The following AUTS2 variants were observed in gnomAD, a reference collection of about 807,000 sequenced individuals.
The protein encoded by AUTS2 is activator of transcription and developmental regulator AUTS2, also known as autism susceptibility gene 2 protein.
A neutral mutation model predicts 112.4 loss-of-function variants in AUTS2; 17 were observed. That is an observed-to-expected ratio of 0.15 (90% confidence interval 0.10 to 0.23). The LOEUF (loss-of-function observed/expected upper bound fraction) is 0.23, where lower values mean the gene tolerates loss of function less well. Ranked by LOEUF, AUTS2 falls within the 10% of genes least tolerant of loss-of-function variation. AUTS2 has a pLI of 1.00. For missense variants in AUTS2, 1,510 were observed against 1,701.6 expected (o/e 0.89, Z 1.98); for synonymous variants, 751 against 702.7 (o/e 1.07, Z -1.09).
At chr7:69,754,340 T>C (rs563412240) in intron 1 of AUTS2, among the ~76,000 whole-genome samples, 3 of 152,290 alleles carry the variant, frequency 2.0e-5, no homozygotes, top group South Asian at 4.1e-4. Context: ...AGGTAGGAAG[T>C]AAAAGTTTCA....
intron 1 of AUTS2, among the ~76,000 whole-genome samples, chr7:69,779,489 C>T (rs895658013): frequency 3.9e-5 from 6 of 151,940 alleles, no homozygotes; most frequent in Admixed American, 2.0e-4. Context: ...AGAAGCCAGG[C>T]GCAGTGGCTC....
At chr7:70,175,441 C>T (rs568908431) in intron 4 of AUTS2, among the ~76,000 whole-genome samples, 17 of 133,060 alleles carry the variant, frequency 1.3e-4, no homozygotes, top group East Asian at 8.9e-4. Context: ...AAATCAGTGG[C>T]GGTATTTGAG....
At chr7:69,731,991 GT>G (rs1333332951) in intron 1 of AUTS2, among the ~76,000 whole-genome samples, 1 of 151,846 alleles carries the variant, frequency 6.6e-6, no homozygotes, top group South Asian at 2.1e-4. Context: ...ATTACAAATA[GT>G]TTTTTGTTTT....
At chr7:70,715,499 CCTGT>C (rs1204066648) in intron 6 of AUTS2, among the ~76,000 whole-genome samples, 1 of 146,616 alleles carries the variant, frequency 6.8e-6, no homozygotes, top group African/African-American at 2.5e-5. Flanking sequence ...CTGCATCCTG[CCTGT>C]CTTTTTTTCT....
intron 2 of AUTS2, among the ~76,000 whole-genome samples, chr7:70,014,223 C>T (rs1304689350): frequency 6.6e-6 from 1 of 152,210 alleles, no homozygotes; most frequent in Non-Finnish European, 1.5e-5. Flanking sequence ...GAGGCCTGCA[C>T]TCACTTCTGT....
At chr7:70,651,877 CGCACAGAAAT>C (rs1013571951) in intron 5 of AUTS2, among the ~76,000 whole-genome samples, 2 of 152,116 alleles carry the variant, frequency 1.3e-5, no homozygotes, top group African/African-American at 4.8e-5. Context: ...GGCAAACACA[CGCACAGAAAT>C]GCACAGAAAA....
chr7:69,726,169 A>G (rs1786502618), intron 1 of AUTS2, among the ~76,000 whole-genome samples: 1 of 152,222 alleles, frequency 6.6e-6, no homozygotes, highest in African/African-American at 2.4e-5. Context: ...AGAACCTGAA[A>G]AAGTTTTTTA....
intron 6 of AUTS2, among the ~76,000 whole-genome samples, chr7:70,736,058 A>G (rs1024671531): frequency 7.9e-5 from 12 of 152,066 alleles, no homozygotes; most frequent in Admixed American, 2.6e-4. Context: ...GTGTATAACT[A>G]TAACAATTAG....
chr7:69,911,359 T>A (rs1584429015), intron 2 of AUTS2, among the ~76,000 whole-genome samples: 1 of 152,106 alleles, frequency 6.6e-6, no homozygotes, highest in South Asian at 2.1e-4. Context: ...AGGGAGCCCC[T>A]AGGTCTGGGC....
intron 1 of AUTS2, among the ~76,000 whole-genome samples, chr7:69,777,423 G>C (rs1233269461): frequency 6.6e-6 from 1 of 152,120 alleles, no homozygotes; most frequent in Non-Finnish European, 1.5e-5. Context: ...TTCTTTGGTT[G>C]ATTGAAGATC....
chr7:70,719,360 C>A (rs779127326), intron 6 of AUTS2, among the ~76,000 whole-genome samples: 2 of 152,132 alleles, frequency 1.3e-5, no homozygotes, highest in Non-Finnish European at 2.9e-5. Context: ...GTCAAGGGCT[C>A]AATAACAGGA....
Position 69,610,791 on chromosome 7 carries a change from C to T in AUTS2, c.309+10829C>T, listed in dbSNP as rs143403215. On this transcript the variant is annotated intron_variant, in intron 1 of 18. Coordinates refer to ENST00000342771, the MANE Select transcript of AUTS2 (RefSeq NM_015570.4). ...TATCTGTTCCATTGGGGAGTCCAGG[C>T]GTGTCATAACCACTTCAGAGTCATG... is the stretch of plus-strand genomic sequence containing the variant. 2.6e-3 allele frequency among the ~76,000 whole-genome samples: 395 copies of T among 152,210 alleles called. 2 individuals are homozygous for T. Among genetic ancestry groups the T allele is most frequent in the African/African-American group, 8.4e-3 (350 of 41,516 alleles).
At chr7:70,639,898 T>A (rs751717927) in intron 5 of AUTS2, among the ~76,000 whole-genome samples, 20 of 152,188 alleles carry the variant, frequency 1.3e-4, no homozygotes, top group African/African-American at 2.7e-4. Flanking sequence ...AAGGCTGAGT[T>A]CAGCACTGCT....
chr7:70,011,043 G>A (rs148820768), intron 2 of AUTS2, among the ~76,000 whole-genome samples: 27 of 152,294 alleles, frequency 1.8e-4, no homozygotes, highest in African/African-American at 6.5e-4. Context: ...TAACTTATTG[G>A]AGATACACTT....
At chr7:69,643,943 T>C (rs904624429) in intron 1 of AUTS2, among the ~76,000 whole-genome samples, 1 of 152,134 alleles carries the variant, frequency 6.6e-6, no homozygotes, top group Admixed American at 6.5e-5. Flanking sequence ...ACCCTGTCTG[T>C]AAATAAATAT....
At chr7:70,004,245 ATG>A (rs1314228186) in intron 2 of AUTS2, among the ~76,000 whole-genome samples, 1 of 136,294 alleles carries the variant, frequency 7.3e-6, no homozygotes, top group Non-Finnish European at 1.5e-5. Context: ...ATATATATGA[ATG>A]TGTTATATGT....
At chr7:69,729,993 A>T (rs1481929592) in intron 1 of AUTS2, among the ~76,000 whole-genome samples, 26 of 96,828 alleles carry the variant, frequency 2.7e-4, no homozygotes, top group African/African-American at 4.5e-4. Context: ...TTGTTGTTTT[A>T]ATTTTTTTTT....
At chr7:69,752,236 C>A (rs1787768858) in intron 1 of AUTS2, among the ~76,000 whole-genome samples, 1 of 152,196 alleles carries the variant, frequency 6.6e-6, no homozygotes, top group Non-Finnish European at 1.5e-5. Flanking sequence ...TTGCTCTCTG[C>A]AGAGGTGTTC....
At chr7:69,638,207 A>G (rs1000943463) in intron 1 of AUTS2, among the ~76,000 whole-genome samples, 3 of 152,114 alleles carry the variant, frequency 2.0e-5, no homozygotes, top group Admixed American at 6.5e-5. Context: ...TGTAGAGACA[A>G]GGTCTTGCTT....
Sources: gnomAD v4.1 joint callset for allele counts (sites outside exome capture counted in the v4.1 genomes callset) on GRCh38, gnomAD v4.1.1 for gene constraint, MANE v1.5 for transcripts, NCBI Gene and HGNC (gene_info 2026-07-23, HGNC 2026-07-21) for gene names.